The following GMIP variants were observed in gnomAD, a reference collection of about 807,000 sequenced individuals.
GMIP encodes GEM interacting protein.
A neutral mutation model predicts 105.3 loss-of-function variants in GMIP; 54 were observed. The observed-to-expected ratio is 0.51, with a 90% CI of 0.41 to 0.64. The LOEUF is 0.64. GMIP is among the 30% of genes least tolerant of loss of function. GMIP has a pLI of 0.00. For synonymous variants in GMIP, 541 were observed against 560.8 expected (o/e 0.96, Z 0.50); for missense variants, 1,110 against 1,319.4 (o/e 0.84, Z 2.46).
chr19:19,634,639 T>A lies in GMIP; in HGVS notation c.1952A>T (p.His651Leu). 6.2e-7 allele frequency: 1 copy of A among 1,613,268 alleles called. No homozygotes were observed. The change falls in exon 18 of 21, where the codon CAT (histidine) becomes CTT (leucine). Residue 651 changes from histidine to leucine, a missense_variant. Physicochemically the swap from His to Leu is moderately conservative, Grantham distance 99. Coordinates refer to ENST00000203556, the MANE Select transcript of GMIP (RefSeq NM_016573.4). This position sits in a 1 kb window ranked among gnomAD's most constrained non-coding sequence, Gnocchi z 6.1. ...DAFISLAKTL[H>L]ADPGDDPGTP... The stretch of plus-strand genomic sequence containing the variant: ...CCCAGGGTCGTCCCCAGGGTCTGCA[T>A]GCAAGGTCTTAGCCAGAGAGATGAA...
Position 19,634,937 on chromosome 19 carries a change from G to A in GMIP, c.1750-8C>T, listed in dbSNP as rs1345124757. On this transcript the variant is annotated splice_polypyrimidine_tract_variant and splice_region_variant and intron_variant, in intron 16 of 20. Coordinates refer to ENST00000203556, the MANE Select transcript of GMIP (RefSeq NM_016573.4). This position sits in a 1 kb window ranked among gnomAD's most constrained non-coding sequence, Gnocchi z 6.1. ...GCTGACCCGGTAAATGCCCTGCAGG[G>A]TGAGGGTGAAAAACAGACACCTGGT... The A allele has an allele frequency of 1.2e-6, 2 of 1,613,842 alleles. No individual in the cohort carries two copies. Among genetic ancestry groups the A allele is most frequent in the Non-Finnish European group, 1.7e-6 (2 of 1,180,008 alleles).
At chr19:19,638,818 A>G (rs1056183705) in intron 7 of GMIP, among the ~76,000 whole-genome samples, 3 of 144,944 alleles carry the variant, frequency 2.1e-5, no homozygotes, top group Non-Finnish European at 4.5e-5. Context: ...GTAGTGGCTC[A>G]TGCCTTTAAT....
At chr19:19,642,741 C>CG (rs2061936345) in intron 1 of GMIP, 122 bp from the exon 2 acceptor site, 2 of 500,490 alleles carry the variant, frequency 4.0e-6, no homozygotes, top group African/African-American at 3.9e-5. Context: ...AAAGAGAGGG[C>CG]TGGGGGGGGC....
Position 19,635,242 on chromosome 19 carries a change from G to A in GMIP, c.1561-29C>T. 1 of 1,592,854 alleles carries A rather than the reference G, an allele frequency of 6.3e-7. No individual in the cohort carries two copies. The highest frequency in any genetic ancestry group is 8.6e-7 in the Non-Finnish European group (1 of 1,165,180). ...TGGGGAAGGTCACAGGGACAGGGAG[G>A]TCATTAGGGACCAGTAGGGGAAGAG... On this transcript the variant is annotated intron_variant, in intron 15 of 20. Coordinates refer to ENST00000203556, the MANE Select transcript of GMIP (RefSeq NM_016573.4). The surrounding 1 kb of genome is among the most constrained non-coding windows in gnomAD (Gnocchi z 4.7).
chr19:19,643,345 T>G (rs565108992), intron 1 of GMIP, 166 bp downstream of exon 1: 18 of 606,980 alleles, frequency 3.0e-5, no homozygotes, highest in Non-Finnish European at 4.9e-5. Context: ...GCTGGGGTCC[T>G]GAACCCATCC....
intron 9 of GMIP, 43 bp downstream of exon 9, chr19:19,638,115 AG>A: frequency 6.4e-7 from 1 of 1,558,422 alleles, no homozygotes; most frequent in Admixed American, 1.9e-5. Flanking sequence ...AGTGGAGGGC[AG>A]GGGGCGCCAC....
In GMIP at chr19:19,637,027, G is replaced by T; in HGVS notation, c.1127C>A (p.Ser376Tyr). ...FQEFLPSLNS[S>Y]PLDIRKKLSG... ...GAGCTTCTTTCTGATGTCCAGAGGG[G>T]AGCTGAGAAGACAGAAGTTTGAAGG... Residue 376 changes from serine (S) to tyrosine (Y), a missense_variant and splice_region_variant, in exon 12 of 21, where the codon TCC becomes TAC. By Grantham distance (144) the Ser-to-Tyr change is moderately radical. This residue lies in a region of GMIP where 667 missense variants were observed against 773.2 expected (regional missense o/e 0.86). Transcript: ENST00000203556. The surrounding 1 kb of genome is among the most constrained non-coding windows in gnomAD (Gnocchi z 6.7). 6.4e-7 allele frequency: 1 copy of T among 1,554,476 alleles called. No individual in the cohort carries two copies. The highest frequency in any genetic ancestry group is 1.2e-5 in the South Asian group (1 of 84,886).
At position 19,634,679 on chromosome 19, in the gene GMIP, G is replaced by A; in HGVS notation, c.1912C>T (p.His638Tyr). 8 of 1,610,686 alleles carry A rather than the reference G, an allele frequency of 5.0e-6. No homozygotes were observed. Among genetic ancestry groups the A allele is most frequent in the Non-Finnish European group, 6.8e-6 (8 of 1,177,452 alleles). ...AGAGAGATGAAGGCGTCGTAGAGGT[G>A]GAAGGGGATCACGGGCTCGGTGAGC... ...QELTEPVIPF[H>Y]LYDAFISLAK... Residue 638 changes from histidine to tyrosine, a missense_variant, in exon 18 of 21, where the codon CAC (histidine) becomes TAC (tyrosine). Physicochemically the swap from His to Tyr is moderately conservative, Grantham distance 83. This residue lies in a region of GMIP where 394 missense variants were observed against 450.5 expected (regional missense o/e 0.87). Coordinates refer to ENST00000203556, the MANE Select transcript of GMIP (RefSeq NM_016573.4). This position sits in a 1 kb window ranked among gnomAD's most constrained non-coding sequence, Gnocchi z 6.1.
rs1474819920 is a variant in GMIP at position 19,635,440 on chromosome 19, A to G, written c.1535T>C (p.Met512Thr). The change falls in exon 15 of 21, where the codon ATG becomes ACG. Residue 512 changes from methionine (M) to threonine (T), a missense_variant. Met to Thr is a moderately conservative substitution (Grantham distance 81, BLOSUM62 -1). This residue lies in a region of GMIP where 667 missense variants were observed against 773.2 expected (regional missense o/e 0.86). Transcript: ENST00000203556. The surrounding 1 kb of genome is among the most constrained non-coding windows in gnomAD (Gnocchi z 4.7). ...PAKCRECEAF[M>T]VSGTECEECF... ...CTCCTCACACTCCGTCCCGCTGACC[A>G]TGAAGGCTTCGCACTCGCGGCACTT... 1.2e-6 allele frequency: 2 copies of G among 1,609,916 alleles called. No homozygotes were observed. The highest frequency in any genetic ancestry group is 1.7e-6 in the Non-Finnish European group (2 of 1,179,958).
Position 19,634,533 on chromosome 19 carries a change from C to T in GMIP, c.2058G>A (p.Leu686=). Reference sequence around the variant, plus strand: ...TGAACAGATGGGCCACCAGGTGCCGCAGGGTGTTGTAGTTAGAGTCAGGCA... The same window carrying T: ...TGAACAGATGGGCCACCAGGTGCCGTAGGGTGTTGTAGTTAGAGTCAGGCA... ...VQLPDSNYNT[L]RHLVAHLFRV... Residue 686 remains leucine, a synonymous_variant, in exon 18 of 21, where the codon CTG becomes CTA. Coordinates refer to ENST00000203556, the MANE Select transcript of GMIP (RefSeq NM_016573.4). The surrounding 1 kb of genome is among the most constrained non-coding windows in gnomAD (Gnocchi z 6.1). 1 of 1,612,120 alleles carries T rather than the reference C, an allele frequency of 6.2e-7. No homozygotes were observed. The highest frequency in any genetic ancestry group is 8.5e-7 in the Non-Finnish European group (1 of 1,179,468).
In GMIP at chr19:19,637,512, G is replaced by C; in HGVS notation, c.977C>G (p.Pro326Arg). The C allele has an allele frequency of 5.2e-6, 8 of 1,538,514 alleles. No homozygotes were observed. Among genetic ancestry groups the C allele is most frequent in the Non-Finnish European group, 7.0e-6 (8 of 1,143,516 alleles). Residue 326 changes from proline to arginine, a missense_variant, in exon 11 of 21, where the codon CCC becomes CGC. Pro to Arg is a moderately radical substitution (Grantham distance 103). Around this residue, in one of 3 missense-constraint regions of GMIP, gnomAD observed 667 missense variants for 773.2 expected, o/e 0.86. Transcript: ENST00000203556. The surrounding 1 kb of genome is among the most constrained non-coding windows in gnomAD (Gnocchi z 6.7). ...CTCGGCCAGGGCGGCGAAGGCGCGG[G>C]GGCCACGCTCTGCCTGCGCCCCCCG... ...GLRGAQAERG[P>R]RAFAALAECC... is the part of the protein sequence containing the mutation.
At chr19:19,636,285 G>C (rs2061853358) in intron 13 of GMIP, among the ~76,000 whole-genome samples, 2 of 151,538 alleles carry the variant, frequency 1.3e-5, no homozygotes, top group Non-Finnish European at 2.9e-5. Context: ...CACTTTGGGA[G>C]ACCGAGGCAG....
Position 19,634,819 on chromosome 19 carries a change from C to A in GMIP, c.1860G>T (p.Ser620=), listed in dbSNP as rs147701676. The change falls in exon 17 of 21, where the codon TCG becomes TCT. Residue 620 remains serine (S), a synonymous_variant. Transcript: ENST00000203556. The surrounding 1 kb of genome is among the most constrained non-coding windows in gnomAD (Gnocchi z 6.1). ...ELSGNSPHDV[S]SVLKRFLQEL... ...CCTGAAGAAATCGCTTGAGGACACT[C>A]GAGACGTCATGAGGCGAGTTCCCCG... The A allele has an allele frequency of 6.2e-7, 1 of 1,613,626 alleles. No homozygotes were observed. The highest frequency in any genetic ancestry group is 8.5e-7 in the Non-Finnish European group (1 of 1,180,034).
chr19:19,634,127 C>A lies in GMIP; in HGVS notation c.2148G>T (p.Pro716=), dbSNP rs1021976315. The change falls in exon 19 of 21, where the codon CCG becomes CCT. Residue 716 remains proline (P), a synonymous_variant. Transcript: ENST00000203556. This position sits in a 1 kb window ranked among gnomAD's most constrained non-coding sequence, Gnocchi z 6.1. ...SANNLGIVFG[P]TLLRPPDGPR... is the part of the protein sequence containing the mutation. ...GGCCGTCCGGCGGCCGCAGCAGTGTCGGCCCAAACACAATGCCCAGGTTGT... is the reference window on the plus strand; with the variant it reads ...GGCCGTCCGGCGGCCGCAGCAGTGTAGGCCCAAACACAATGCCCAGGTTGT... 2 of 1,611,950 alleles carry A rather than the reference C, an allele frequency of 1.2e-6. No homozygotes were observed. Among genetic ancestry groups the A allele is most frequent in the South Asian group, 2.2e-5 (2 of 90,972 alleles).
rs1181560032 is a variant in GMIP, at chr19:19,642,585, G to C, written c.54C>G (p.Tyr18Ter). ...TGTCCAGGCTCCGGAAGATGTCACTGTACCTCTTCCTGCCCTCAGGACCTG... is the reference window on the plus strand; with the variant it reads ...TGTCCAGGCTCCGGAAGATGTCACTCTACCTCTTCCTGCCCTCAGGACCTG... ...LPPGPEGRKR[Y>*]SDIFRSLDNL... Residue 18 changes from tyrosine (Y) to a stop codon, truncating the protein, a stop_gained, in exon 2 of 21, where the codon TAC becomes TAG. Transcript: ENST00000203556. LOFTEE classifies it high-confidence loss of function. The C allele has an allele frequency of 2.5e-6, 4 of 1,609,206 alleles. No individual in the cohort carries two copies. The highest frequency in any genetic ancestry group is 3.4e-6 in the Non-Finnish European group (4 of 1,176,086).
intron 1 of GMIP, 53 bp from the exon 2 acceptor site, chr19:19,642,672 G>A (rs1289562887): frequency 5.6e-5 from 48 of 860,484 alleles, no homozygotes; most frequent in South Asian, 2.8e-4. Flanking sequence ...CTCCACCCAC[G>A]GCACCTCAAC....
intron 7 of GMIP, 132 bp downstream of exon 7, chr19:19,639,953 T>C: frequency 1.6e-6 from 1 of 614,618 alleles, no homozygotes. Flanking sequence ...GGGCCTCAGC[T>C]TCCTCATCAA....
chr19:19,630,367 C>T lies in GMIP; in HGVS notation c.2540-31G>A, dbSNP rs201378219. On this transcript the variant is annotated intron_variant, in intron 20 of 20. Transcript: ENST00000203556. This position sits in a 1 kb window ranked among gnomAD's most constrained non-coding sequence, Gnocchi z 4.8. ...TACGGGGTGGGTGGTCAGTGCAGAG[C>T]ACCTCCAAGTTCTCTGTATATCCCC... The T allele has an allele frequency of 3.1e-5, 48 of 1,561,348 alleles. 1 individual carries two copies. In the African/African-American group the frequency reaches 5.3e-4, roughly 17 times the overall value.
chr19:19,641,861 C>T lies in GMIP; in HGVS notation c.187G>A (p.Glu63Lys), dbSNP rs915139066. Reference sequence around the variant, plus strand: ...GAGGGGCCGCTCCAACAGCTGGCTTCGTTGGTCTGTGCGGGAGGGAGACAG... The same window carrying T: ...GAGGGGCCGCTCCAACAGCTGGCTTTGTTGGTCTGTGCGGGAGGGAGACAG... Reference protein sequence around the residue: ...DKTPTATVTNEASCWSGPSPE... With the variant: ...DKTPTATVTNKASCWSGPSPE... Residue 63 changes from glutamate (E) to lysine (K), a missense_variant, in exon 4 of 21, where the codon GAA (glutamate) becomes AAA (lysine). Glu to Lys is a moderately conservative substitution (Grantham distance 56). This residue lies in a region of GMIP where 667 missense variants were observed against 773.2 expected (regional missense o/e 0.86). Transcript: ENST00000203556. 1.4e-5 allele frequency: 22 copies of T among 1,613,230 alleles called. No individual in the cohort carries two copies. The highest frequency in any genetic ancestry group is 3.3e-5 in the Admixed American group (2 of 59,968).
Sources: gnomAD v4.1 joint callset for allele counts (sites outside exome capture counted in the v4.1 genomes callset) on GRCh38, gnomAD v4.1.1 for gene constraint, gnomAD v4.1.1 regional missense constraint, Gnocchi (gnomAD v3.1) non-coding constraint, MANE v1.5 for transcripts, NCBI Gene and HGNC (gene_info 2026-07-23, HGNC 2026-07-21) for gene names.